STIM1: variants seen among roughly 807,000 people sequenced by gnomAD.
The protein encoded by STIM1 is stromal interaction molecule 1.
STIM1 carries 25 observed loss-of-function variants against 74.7 expected under a neutral mutation model. The ratio of observed to expected loss-of-function variants is 0.33; its 90% CI spans 0.24 to 0.47. STIM1 has a LOEUF of 0.47. Among genes scored for constraint, STIM1 ranks in the 20% least tolerant of loss-of-function variants. The pLI, the probability that STIM1 is intolerant of heterozygous loss-of-function variation, is 1.00. For synonymous variants in STIM1, 328 were observed against 348.8 expected (o/e 0.94, Z 0.66); for missense variants, 728 against 920.8 (o/e 0.79, Z 2.71).
chr11:4,070,041 A>G lies in STIM1; in HGVS notation c.629A>G (p.His210Arg), dbSNP rs201579576. The change falls in exon 6 of 13, where the codon CAC (histidine) becomes CGC (arginine). Residue 210 changes from histidine to arginine, a missense_variant. His to Arg is a conservative substitution (Grantham distance 29). Transcript: ENST00000526596. Reference sequence around the variant, plus strand: ...TCTCTGGCAGTGACTCGCCATAATCACCTCAAGGACTTCATGCTGGTGGTG... The same window carrying G: ...TCTCTGGCAGTGACTCGCCATAATCGCCTCAAGGACTTCATGCTGGTGGTG... ...FGPPLLTRHNHLKDFMLVVSI... is the reference protein window; with the variant it reads ...FGPPLLTRHNRLKDFMLVVSI... 1.2e-6 allele frequency: 2 copies of G among 1,614,092 alleles called. No individual in the cohort carries two copies. The highest frequency in any genetic ancestry group is 1.7e-6 in the Non-Finnish European group (2 of 1,180,012).
chr11:3,876,590 G>A (rs944355097), intron 1 of STIM1, among the ~76,000 whole-genome samples: 1 of 152,068 alleles, frequency 6.6e-6, no homozygotes, highest in Non-Finnish European at 1.5e-5. Context: ...TTTATTTTTT[G>A]TAGAGGCAGG....
intron 2 of STIM1, among the ~76,000 whole-genome samples, chr11:3,995,121 G>C (rs1285929814): frequency 6.7e-6 from 1 of 150,272 alleles, no homozygotes; most frequent in Non-Finnish European, 1.5e-5. Context: ...ATTTATAATG[G>C]CTAATTTGTA....
intron 1 of STIM1, among the ~76,000 whole-genome samples, chr11:3,874,218 C>G (rs1357112518): frequency 6.6e-6 from 1 of 152,126 alleles, no homozygotes; most frequent in Admixed American, 6.5e-5. Context: ...CTTAAGGTGT[C>G]TTTTCAGGTT....
chr11:4,024,355 C>T (rs554185825), intron 3 of STIM1, among the ~76,000 whole-genome samples: 17 of 152,262 alleles, frequency 1.1e-4, no homozygotes, highest in African/African-American at 3.9e-4. Context: ...CACTTAGTCC[C>T]AGCTCTGCTG....
chr11:3,900,813 C>G (rs111244913), intron 1 of STIM1, among the ~76,000 whole-genome samples: 4,729 of 152,284 alleles, frequency 0.031, 106 homozygotes, highest in South Asian at 0.094. Flanking sequence ...TGGACTCAAG[C>G]AGTCTTCCCA....
chr11:4,055,503 G>A, intron 3 of STIM1, 23 bp from the exon 4 acceptor site: 1 of 1,544,636 alleles, frequency 6.5e-7, no homozygotes, highest in East Asian at 2.3e-5. Flanking sequence ...TAGAGTCATG[G>A]CTTTGCTTGT....
At chr11:3,925,840 A>G (rs1356177665) in intron 1 of STIM1, among the ~76,000 whole-genome samples, 2 of 152,216 alleles carry the variant, frequency 1.3e-5, no homozygotes, top group Non-Finnish European at 2.9e-5. Flanking sequence ...CTGGCCCTTT[A>G]CATGAAATGT....
intron 1 of STIM1, among the ~76,000 whole-genome samples, chr11:3,934,764 A>G (rs1270072207): frequency 6.6e-6 from 1 of 152,224 alleles, no homozygotes; most frequent in East Asian, 1.9e-4. Flanking sequence ...CCAGGCCCAT[A>G]GCCCTTCAAA....
chr11:3,965,516 A>G (rs1280892465), intron 1 of STIM1, among the ~76,000 whole-genome samples: 1 of 152,196 alleles, frequency 6.6e-6, no homozygotes, highest in Non-Finnish European at 1.5e-5. Flanking sequence ...TCTAATATGC[A>G]ATTATATATG....
intron 2 of STIM1, among the ~76,000 whole-genome samples, chr11:3,970,756 A>C (rs1590611283): frequency 6.6e-6 from 1 of 152,240 alleles, no homozygotes; most frequent in East Asian, 1.9e-4. Flanking sequence ...AAACTAAAAA[A>C]AAAGAAGTTA....
At chr11:3,860,700 C>T (rs969225813) in intron 1 of STIM1, among the ~76,000 whole-genome samples, 2 of 152,044 alleles carry the variant, frequency 1.3e-5, no homozygotes, top group African/African-American at 4.8e-5. Flanking sequence ...AAACTGGCAT[C>T]CAGAGAGGCA....
At chr11:3,901,959 G>A (rs1424224419) in intron 1 of STIM1, among the ~76,000 whole-genome samples, 1 of 152,126 alleles carries the variant, frequency 6.6e-6, no homozygotes, top group Admixed American at 6.5e-5. Context: ...GTAGAGACGG[G>A]GTTTTGCCAT....
chr11:3,994,863 A>G (rs763698278), intron 2 of STIM1, among the ~76,000 whole-genome samples: 11 of 152,000 alleles, frequency 7.2e-5, no homozygotes. Context: ...AGGATTGTAT[A>G]ATCTCTATCA....
intron 6 of STIM1, among the ~76,000 whole-genome samples, chr11:4,072,253 T>C (rs2094408576): frequency 6.6e-6 from 1 of 152,144 alleles, no homozygotes; most frequent in Non-Finnish European, 1.5e-5. Flanking sequence ...TGCACACATA[T>C]ATCCTCCTCT....
At chr11:3,991,588 G>A (rs1344381404) in intron 2 of STIM1, among the ~76,000 whole-genome samples, 2 of 151,894 alleles carry the variant, frequency 1.3e-5, no homozygotes, top group African/African-American at 2.4e-5. Flanking sequence ...TTTTCCTTTG[G>A]GTATGTATAC....
intron 3 of STIM1, among the ~76,000 whole-genome samples, chr11:4,044,777 A>C (rs962264981): frequency 6.6e-6 from 1 of 152,108 alleles, no homozygotes; most frequent in Non-Finnish European, 1.5e-5. Context: ...TCTTCAGTGG[A>C]GTGTATTGGC....
intron 2 of STIM1, among the ~76,000 whole-genome samples, chr11:4,023,533 A>G (rs1304439379): frequency 6.6e-6 from 1 of 152,234 alleles, no homozygotes; most frequent in Admixed American, 6.5e-5. Flanking sequence ...ATTTATAAGC[A>G]AGTACTCAAA....
Position 4,084,872 on chromosome 11 carries a change from T to C in STIM1, c.1567+107T>C, listed in dbSNP as rs944281841. 11 of 846,490 alleles carry C rather than the reference T, an allele frequency of 1.3e-5. 1 individual carries two copies. The South Asian group carries it at 1.6e-4, about 12-fold the overall frequency. The allele number at this position is 846,490 out of a possible 1,614,324, so 52.4% of individuals were successfully genotyped here. A position where few individuals can be genotyped will look rare whatever the true frequency, so the allele number is the denominator to read the frequency against. ...CTGCCTGCTTCACGCCCCTGCCTGC[T>C]CCCTCTATCCCCTCAGCACTGTCCC... On this transcript the variant is annotated intron_variant, in intron 11 of 12. Coordinates refer to ENST00000526596, the MANE Select transcript of STIM1 (RefSeq NM_001382567.1).
intron 4 of STIM1, among the ~76,000 whole-genome samples, chr11:4,057,786 C>T (rs1033626849): frequency 2.6e-5 from 4 of 151,128 alleles, no homozygotes; most frequent in Non-Finnish European, 5.9e-5. Context: ...AGGAGAATGG[C>T]GTGAACCCGG....
Sources: gnomAD v4.1 joint callset for allele counts (sites outside exome capture counted in the v4.1 genomes callset) on GRCh38, gnomAD v4.1.1 for gene constraint, MANE v1.5 for transcripts, NCBI Gene and HGNC (gene_info 2026-07-23, HGNC 2026-07-21) for gene names.